The following RYR2 variants were observed in gnomAD, a reference collection of about 807,000 sequenced individuals.
RYR2 encodes cardiac muscle ryanodine receptor-calcium release channel.
A neutral mutation model predicts 601.1 loss-of-function variants in RYR2; 227 were observed. The observed-to-expected ratio is 0.38, with a 90% confidence interval of 0.34 to 0.42. RYR2 has a LOEUF of 0.42. Ranked by LOEUF, RYR2 falls within the 10% of genes least tolerant of loss-of-function variation. RYR2 has a pLI of 1.00. For missense variants in RYR2, 4,646 were observed against 6,156.5 expected (o/e 0.75, Z 8.21); for synonymous variants, 2,223 against 2,175.1 (o/e 1.02, Z -0.61).
Position 237,290,223 on chromosome 1 carries a change from G to A in RYR2, c.168+19607G>A, listed in dbSNP as rs1020159059. Among the ~76,000 whole-genome samples the A allele has an allele frequency of 3.9e-5, 6 of 152,188 alleles. No individual in the cohort carries two copies. In the South Asian group the frequency reaches 6.2e-4, roughly 16 times the overall value. On this transcript the variant is annotated intron_variant, in intron 2 of 104. Coordinates refer to ENST00000366574, the MANE Select transcript of RYR2 (RefSeq NM_001035.3). ...ATCTGTGCAACAACATGGATGCAACGCAAAATCTTTAAGGAAAGTGACAGA... is the reference window on the plus strand; with the variant it reads ...ATCTGTGCAACAACATGGATGCAACACAAAATCTTTAAGGAAAGTGACAGA...
At chr1:237,097,107 A>G (rs2148493937) in intron 1 of RYR2, among the ~76,000 whole-genome samples, 1 of 152,172 alleles carries the variant, frequency 6.6e-6, no homozygotes, top group African/African-American at 2.4e-5. Flanking sequence ...TTCTTTTTCA[A>G]CTTCTAGATG....
chr1:237,433,034 T>TTGGG (rs386370114), intron 12 of RYR2, among the ~76,000 whole-genome samples: 10 of 32,888 alleles, frequency 3.0e-4, no homozygotes, highest in Non-Finnish European at 5.2e-4. Context: ...TGACTGTGTG[T>TTGGG]GGGGGGGGGT....
chr1:237,558,973 A>G (rs1671182505), intron 27 of RYR2, among the ~76,000 whole-genome samples: 1 of 148,742 alleles, frequency 6.7e-6, no homozygotes, highest in Non-Finnish European at 1.5e-5. Flanking sequence ...GATATTCACT[A>G]TTTGGTGAAG....
chr1:237,783,657 C>CAACTGCT lies in RYR2; in HGVS notation c.11963-17_11963-11dup. 6.6e-7 allele frequency: 1 copy of CAACTGCT among 1,515,642 alleles called. No homozygotes were observed. The allele number at this position is 1,515,642 out of a possible 1,614,324, so 93.9% of individuals were successfully genotyped here. ...TTTGTTAGTTTATTTTAAACAAATG[C>CAACTGCT]AACTGCTTTACCACCAGGTAATGTT... On this transcript the variant is annotated splice_polypyrimidine_tract_variant and intron_variant, in intron 89 of 104. Coordinates refer to ENST00000366574, the MANE Select transcript of RYR2 (RefSeq NM_001035.3).
chr1:237,168,753 G>A (rs542752629), intron 1 of RYR2, among the ~76,000 whole-genome samples: 2 of 152,290 alleles, frequency 1.3e-5, no homozygotes, highest in Admixed American at 6.5e-5. Flanking sequence ...TCAGTTATAC[G>A]CCGCTTTCAG....
intron 29 of RYR2, among the ~76,000 whole-genome samples, chr1:237,581,703 TC>T (rs1279758779): frequency 4.6e-5 from 7 of 152,156 alleles, no homozygotes; most frequent in Non-Finnish European, 1.0e-4. Flanking sequence ...GTCTGTACCA[TC>T]CCCAAACCCA....
intron 2 of RYR2, among the ~76,000 whole-genome samples, chr1:237,273,445 C>A (rs944618230): frequency 5.3e-5 from 8 of 152,260 alleles, no homozygotes; most frequent in Middle Eastern, 6.8e-3. Context: ...GGGTTGGGGA[C>A]CCCTGCCCCA....
intron 1 of RYR2, among the ~76,000 whole-genome samples, chr1:237,239,753 G>A (rs1434505701): frequency 6.6e-6 from 1 of 152,132 alleles, no homozygotes; most frequent in Non-Finnish European, 1.5e-5. Flanking sequence ...TTTCTTTTTA[G>A]CTCCTGTATC....
chr1:237,346,358 G>C (rs1426733532), intron 3 of RYR2, among the ~76,000 whole-genome samples: 55 of 105,616 alleles, frequency 5.2e-4, no homozygotes, highest in African/African-American at 2.1e-3. Flanking sequence ...AAAGTGAGAG[G>C]GTCTACCTCA....
chr1:237,185,564 C>T (rs375115115), intron 1 of RYR2, among the ~76,000 whole-genome samples: 2 of 152,178 alleles, frequency 1.3e-5, no homozygotes, highest in East Asian at 3.9e-4. Flanking sequence ...TCTCTCGGTG[C>T]TCCTGTGTCA....
chr1:237,294,071 A>G (rs1692508219), intron 2 of RYR2, among the ~76,000 whole-genome samples: 1 of 152,200 alleles, frequency 6.6e-6, no homozygotes, highest in African/African-American at 2.4e-5. Flanking sequence ...ATTTTTACCT[A>G]GGAAATTTTA....
At chr1:237,591,356 G>T (rs1675181530) in intron 31 of RYR2, among the ~76,000 whole-genome samples, 1 of 151,998 alleles carries the variant, frequency 6.6e-6, no homozygotes, top group Admixed American at 6.6e-5. Context: ...TTACATTCTT[G>T]CCTGAAACTT....
rs540580849 is a variant in RYR2 at position 237,437,548 on chromosome 1, G to T, written c.1006-3771G>T. 2.0e-5 allele frequency among the ~76,000 whole-genome samples: 3 copies of T among 152,270 alleles called. No homozygotes were observed. The South Asian group carries it at 6.2e-4, about 32-fold the overall frequency. ...CCTGAGGTTATGTGGGGTCAGGCTG[G>T]AGGAATCAGACATATGATTCCTGCT... On this transcript the variant is annotated intron_variant, in intron 12 of 104. Transcript: ENST00000366574.
intron 1 of RYR2, among the ~76,000 whole-genome samples, chr1:237,188,616 AG>A (rs1679626129): frequency 6.6e-6 from 1 of 151,888 alleles, no homozygotes; most frequent in South Asian, 2.1e-4. Context: ...CCCAGGCTGG[AG>A]TGCAGTGGCA....
At chr1:237,234,589 T>C (rs1277587542) in intron 1 of RYR2, among the ~76,000 whole-genome samples, 1 of 152,204 alleles carries the variant, frequency 6.6e-6, no homozygotes, top group East Asian at 1.9e-4. Context: ...AGGGAATGAG[T>C]TAAAATATGT....
chr1:237,276,837 G>T (rs1486583481), intron 2 of RYR2, among the ~76,000 whole-genome samples: 1 of 152,066 alleles, frequency 6.6e-6, no homozygotes, highest in African/African-American at 2.4e-5. Context: ...GACAAGACAC[G>T]CGCCAAGGTC....
rs116581413 is a variant in RYR2, at chr1:237,532,411, A to G, written c.2906+1901A>G. ...TTATTATGAAAAATCATATTTAATG[A>G]TTTTTTTCAGGGTGACAGCTCAATT... On this transcript the variant is annotated intron_variant, in intron 25 of 104. Transcript: ENST00000366574. Among the ~76,000 whole-genome samples the G allele has an allele frequency of 9.0e-3, 1,363 of 152,138 alleles. 22 individuals are homozygous for G. The highest frequency in any genetic ancestry group is 0.031 in the African/African-American group (1,286 of 41,530).
chr1:237,627,028 T>TAAA (rs762717890), intron 40 of RYR2, among the ~76,000 whole-genome samples: 20 of 152,330 alleles, frequency 1.3e-4, no homozygotes, highest in Middle Eastern at 6.8e-3. Flanking sequence ...TGTTTTTGCT[T>TAAA]AAATAATTTC....
intron 36 of RYR2, among the ~76,000 whole-genome samples, chr1:237,612,358 T>G (rs1310696525): frequency 6.6e-6 from 1 of 152,182 alleles, no homozygotes; most frequent in Non-Finnish European, 1.5e-5. Flanking sequence ...ATAGTTATAG[T>G]TACACAACTC....
Sources: gnomAD v4.1 joint callset for allele counts (sites outside exome capture counted in the v4.1 genomes callset) on GRCh38, gnomAD v4.1.1 for gene constraint, MANE v1.5 for transcripts, NCBI Gene and HGNC (gene_info 2026-07-23, HGNC 2026-07-21) for gene names.